Variants in ERAP1 observed in about 807,000 individuals in gnomAD.
ERAP1 encodes the protein adipocyte-derived leucine aminopeptidase.
Under a neutral mutation model 103.7 loss-of-function variants are expected in ERAP1, and 86 were observed. That is an observed-to-expected ratio of 0.83 (90% CI 0.70 to 0.99). The LOEUF is 0.99. Among genes scored for constraint, ERAP1 ranks in the 50% least tolerant of loss-of-function variants. The pLI is 0.00. For missense variants in ERAP1, 1,009 were observed against 1,128.4 expected (o/e 0.89, Z 1.52); for synonymous variants, 398 against 402.4 (o/e 0.99, Z 0.13).
chr5:96,790,113 G>A (rs537451347), intron 10 of ERAP1, among the ~76,000 whole-genome samples, 183 bp downstream of exon 10: 46 of 152,290 alleles, frequency 3.0e-4, no homozygotes, highest in African/African-American at 1.0e-3. Flanking sequence ...CAACCCTCCA[G>A]TATAGATACA....
At chr5:96,797,708 CTAATTA>C (rs1777504841) in intron 3 of ERAP1, among the ~76,000 whole-genome samples, 1 of 152,274 alleles carries the variant, frequency 6.6e-6, no homozygotes, top group South Asian at 2.1e-4. Flanking sequence ...TTTCCAATGT[CTAATTA>C]TAATTTAGAC....
At chr5:96,885,198 C>T in the ERAP1 span, among the ~76,000 whole-genome samples, 12 of 152,278 alleles carry the variant, frequency 7.9e-5, no homozygotes, top group Middle Eastern at 3.4e-3. Flanking sequence ...CACAGCCTCA[C>T]GCCTCTGCCA....
At chr5:96,778,902 A>G (rs983774257) in intron 18 of ERAP1, among the ~76,000 whole-genome samples, 2 of 152,176 alleles carry the variant, frequency 1.3e-5, no homozygotes, top group Non-Finnish European at 2.9e-5. Context: ...TGACTCCCGT[A>G]TTTTATATGT....
At chr5:96,781,221 T>C (rs1348838868) in intron 16 of ERAP1, 23 bp from the exon 17 acceptor site, 57 of 1,608,890 alleles carry the variant, frequency 3.5e-5, no homozygotes, top group Non-Finnish European at 4.7e-5. Flanking sequence ...AGAAAAGAAA[T>C]GTTAGCAATG....
the ERAP1 span, chr5:96,909,069 C>G: frequency 6.2e-7 from 1 of 1,614,134 alleles, no homozygotes; most frequent in Non-Finnish European, 8.5e-7. Flanking sequence ...AATCGTTTTA[C>G]CACATGATGG....
At chr5:96,894,243 A>G in the ERAP1 span, among the ~76,000 whole-genome samples, 3 of 152,224 alleles carry the variant, frequency 2.0e-5, no homozygotes, top group Non-Finnish European at 2.9e-5. Context: ...GGCTAGAATC[A>G]GTTTATCCTG....
the ERAP1 span, among the ~76,000 whole-genome samples, chr5:96,823,636 A>T: frequency 6.6e-6 from 1 of 152,216 alleles, no homozygotes; most frequent in Admixed American, 6.5e-5. Context: ...CTGGTGAGAA[A>T]TTCCAAGACC....
chr5:96,935,824 C>T, the ERAP1 span: 8 of 341,854 alleles, frequency 2.3e-5, no homozygotes, highest in Non-Finnish European at 4.3e-5. Flanking sequence ...GAACACCGTT[C>T]CCGGCCGGGG....
chr5:96,824,044 C>G, the ERAP1 span, among the ~76,000 whole-genome samples: 2 of 152,278 alleles, frequency 1.3e-5, no homozygotes, highest in Middle Eastern at 3.4e-3. Context: ...CTATCCCAGA[C>G]AAGTCAGAGC....
chr5:96,929,370 T>C, the ERAP1 span, among the ~76,000 whole-genome samples: 1 of 152,200 alleles, frequency 6.6e-6, no homozygotes, highest in Non-Finnish European at 1.5e-5. Flanking sequence ...AGTAAACTAA[T>C]ACACATGCCC....
chr5:96,762,229 A>G (rs756210081), exon 20 of ERAP1: 1 of 1,319,994 alleles, frequency 7.6e-7, no homozygotes, highest in Non-Finnish European at 1.1e-6. Context: ...TGTGCTCATA[A>G]TTTTATATAC....
At chr5:96,906,185 CTTTT>C in the ERAP1 span, among the ~76,000 whole-genome samples, 81,803 of 150,644 alleles carry the variant, frequency 0.54, 22,162 homozygotes, top group Admixed American at 0.59. Flanking sequence ...GACACTGTCT[CTTTT>C]TTTTTTCTTC....
chr5:96,855,719 T>C, the ERAP1 span, among the ~76,000 whole-genome samples: 6 of 151,912 alleles, frequency 3.9e-5, no homozygotes, highest in Non-Finnish European at 5.9e-5. Flanking sequence ...TCCCACTTAC[T>C]TGACAGCCTG....
At chr5:96,807,808 G>A in intron 1 of ERAP1, 52 bp downstream of exon 1, 1 of 982,358 alleles carries the variant, frequency 1.0e-6, no homozygotes, top group Non-Finnish European at 1.2e-6. Context: ...GGCGGGTGCC[G>A]CGCTCTCCTC....
the ERAP1 span, among the ~76,000 whole-genome samples, chr5:96,854,875 T>G: frequency 6.6e-6 from 1 of 152,202 alleles, no homozygotes; most frequent in African/African-American, 2.4e-5. Flanking sequence ...GTAGCCTTTT[T>G]AATCATTAAT....
At position 96,776,161 on chromosome 5, in the gene ERAP1, A is replaced by C; in HGVS notation, c.*235T>G. Reference sequence around the variant, plus strand: ...GTACTTTATTCTTCTGTGGCAGGGAACCCAACACTTGGGTTTACGTTGCAG... The same window carrying C: ...GTACTTTATTCTTCTGTGGCAGGGACCCCAACACTTGGGTTTACGTTGCAG... On this transcript the variant is annotated 3_prime_UTR_variant, in exon 19 of 19. Transcript: ENST00000443439. 1 of 1,497,624 alleles carries C rather than the reference A, an allele frequency of 6.7e-7. No individual in the cohort carries two copies. The highest frequency in any genetic ancestry group is 8.9e-7 in the Non-Finnish European group (1 of 1,122,232). 92.8% of individuals were successfully genotyped at this position (1,497,624 alleles called of 1,614,324 possible).
At chr5:96,889,832 AC>A in the ERAP1 span, among the ~76,000 whole-genome samples, 3 of 15,914 alleles carry the variant, frequency 1.9e-4, no homozygotes, top group Non-Finnish European at 3.1e-4. Context: ...AAAAATACAT[AC>A]ACACACACAC....
chr5:96,823,327 CCTGT>C, the ERAP1 span, among the ~76,000 whole-genome samples: 9,055 of 152,258 alleles, frequency 0.059, 380 homozygotes, highest in Middle Eastern at 0.14. Context: ...ACATTGGTAG[CCTGT>C]CTATCACAGG....
chr5:96,844,832 T>C, the ERAP1 span, among the ~76,000 whole-genome samples: 1 of 152,368 alleles, frequency 6.6e-6, no homozygotes, highest in Admixed American at 6.5e-5. Flanking sequence ...AAAGGGCTGT[T>C]GATCCAAATA....
Sources: allele counts gnomAD v4.1 joint callset (sites outside exome capture counted in the v4.1 genomes callset), GRCh38; gene constraint gnomAD v4.1.1; transcripts MANE v1.5; gene names NCBI Gene and HGNC (gene_info 2026-07-23, HGNC 2026-07-21).